Variants in FGA observed in about 807,000 individuals in gnomAD.
The protein encoded by FGA is fibrinogen, A alpha polypeptide.
In FGA, 20 loss-of-function variants were observed where a neutral mutation model predicts 20.3. The ratio of observed to expected loss-of-function variants is 0.99; its 90% confidence interval spans 0.69 to 1.43. FGA has a LOEUF of 1.43. Among genes scored for constraint, FGA ranks in the 40% most tolerant of loss-of-function variants. The pLI, the probability that FGA is intolerant of heterozygous loss-of-function variation, is 0.00. For missense variants in FGA, 777 were observed against 784.7 expected, an observed-to-expected ratio of 0.99 and a Z score of 0.12; for synonymous variants, 306 against 281.6, an observed-to-expected ratio of 1.09 and a Z score of -0.87.
rs1730725874 is a variant in FGA at position 154,586,560 on chromosome 4, C to T, written c.869G>A (p.Ser290Asn). 1.9e-6 allele frequency: 3 copies of T among 1,614,150 alleles called. No individual in the cohort carries two copies. The East Asian group carries it at 6.7e-5, about 36-fold the overall frequency. The change falls in exon 5 of 5, where the codon AGC (serine) becomes AAC (asparagine). Residue 290 changes from serine (S) to asparagine (N), a missense_variant. Physicochemically the swap from Ser to Asn is conservative, Grantham distance 46. Coordinates refer to ENST00000403106, the MANE Select transcript of FGA (RefSeq NM_021871.4). ...CCCAGAGTTCCAGCTTCCAGCACTG[C>T]TAGGGTTCCTGGGGCTTTCCGTCTC... The part of the protein sequence containing the change: ...GSETESPRNP[S>N]SAGSWNSGSS...
Position 154,586,904 on chromosome 4 carries a change from A to G in FGA, c.525T>C (p.Ile175=). The change falls in exon 5 of 5, where the codon ATT becomes ATC. Residue 175 remains isoleucine, a synonymous_variant. Coordinates refer to ENST00000403106, the MANE Select transcript of FGA (RefSeq NM_021871.4). ...ATGACCCTCGACAAGATCGGATCTT[A>G]ATATCAATGTCCACCTAGAGAGAGG... ...DMKRLEVDID[I]KIRSCRGSCS... 1 of 1,613,860 alleles carries G rather than the reference A, an allele frequency of 6.2e-7. No homozygotes were observed. Among genetic ancestry groups the G allele is most frequent in the African/African-American group, 1.3e-5 (1 of 75,038 alleles).
At chr4:154,584,188 A>G (rs1560823225), downstream of FGA, 3 of 1,613,958 alleles carry the variant, frequency 1.9e-6, no homozygotes, top group Middle Eastern at 1.6e-4. Flanking sequence ...TGCCCCTCTA[A>G]AGGAAACCCA....
chr4:154,587,804 A>AAAGAAAGG (rs1553964330), intron 3 of FGA, 147 bp from the exon 4 acceptor site: 6 of 676,100 alleles, frequency 8.9e-6, no homozygotes, highest in Non-Finnish European at 1.2e-5. Flanking sequence ...AGAAAGAAAG[A>AAAGAAAGG]GAAAAAAGAA....
chr4:154,587,509 T>TA lies in FGA; in HGVS notation c.510+2dup, dbSNP rs765031780. ...ACATCTGGGACCACAGCCACATACT[T>TA]ACCTCCAGTCGTTTCATATCAACCA... On this transcript the variant is annotated splice_region_variant and intron_variant, in intron 4 of 4. Coordinates refer to ENST00000403106, the MANE Select transcript of FGA (RefSeq NM_021871.4). The TA allele has an allele frequency of 1.2e-6, 2 of 1,613,818 alleles. No individual in the cohort carries two copies. Among genetic ancestry groups the TA allele is most frequent in the Non-Finnish European group, 1.7e-6 (2 of 1,179,812 alleles).
At chr4:154,589,088 T>C (rs1458798337) in intron 2 of FGA, 112 bp from the exon 3 acceptor site, 3 of 996,186 alleles carry the variant, frequency 3.0e-6, no homozygotes, top group East Asian at 5.1e-5. Flanking sequence ...TCCAGATAAG[T>C]TGGCTTAAAA....
In FGA at chr4:154,586,406, A is replaced by T. The variant is rs1730718781; in HGVS notation, c.1023T>A (p.Thr341=). The T allele has an allele frequency of 6.2e-7, 1 of 1,613,126 alleles. No homozygotes were observed. The highest frequency in any genetic ancestry group is 1.7e-4 in the Middle Eastern group (1 of 6,056). Residue 341 remains threonine, a synonymous_variant, in exon 5 of 5, where the codon ACT becomes ACA. Coordinates refer to ENST00000403106, the MANE Select transcript of FGA (RefSeq NM_021871.4). ...CAGGGTTTTGGTTTCCAGTACTTCCAGTTCCAGAGCTCCCAGAGTTCCAGC... is the reference window on the plus strand; with the variant it reads ...CAGGGTTTTGGTTTCCAGTACTTCCTGTTCCAGAGCTCCCAGAGTTCCAGC... ...TGSWNSGSSG[T]GSTGNQNPGS... is the part of the protein sequence containing the mutation.
At position 154,586,696 on chromosome 4, in the gene FGA, G is replaced by A. The variant is rs1321404600; in HGVS notation, c.733C>T (p.Pro245Ser). Reference protein sequence around the residue: ...GNFKSQLQKVPPEWKALTDMP... With the variant: ...GNFKSQLQKVSPEWKALTDMP... ...TCTGTTAATGCCTTCCACTCTGGGG[G>A]TACCTTCTGAAGCTGGCTCTTAAAA... is the stretch of plus-strand genomic sequence containing the variant. The change falls in exon 5 of 5, where the codon CCC becomes TCC. Residue 245 changes from proline (P) to serine (S), a missense_variant. Physicochemically the swap from Pro to Ser is moderately conservative, Grantham distance 74. Transcript: ENST00000403106. The A allele has an allele frequency of 2.5e-6, 4 of 1,614,086 alleles. No homozygotes were observed. The highest frequency in any genetic ancestry group is 3.4e-6 in the Non-Finnish European group (4 of 1,180,038).
chr4:154,587,775 G>GAAAGAAAGAA (rs1730770457), intron 3 of FGA, 118 bp from the exon 4 acceptor site: 1 of 668,006 alleles, frequency 1.5e-6, no homozygotes, highest in Non-Finnish European at 2.5e-6. Context: ...AAGAAAGAAA[G>GAAAGAAAGAA]AAAGAAAGAA....
chr4:154,584,870 C>T (rs761299857), downstream of FGA: 3 of 1,452,706 alleles, frequency 2.1e-6, no homozygotes, highest in Admixed American at 1.7e-5. Context: ...AGAAGTTATT[C>T]TCATTTAACT....
downstream of FGA, chr4:154,584,046 C>G (rs1381048816): frequency 5.9e-6 from 7 of 1,179,978 alleles, no homozygotes; most frequent in Non-Finnish European, 8.9e-6. Flanking sequence ...TAGAGAATCT[C>G]AACTGCTTTA....
In FGA at chr4:154,586,059, G is replaced by A. The variant is rs781195832; in HGVS notation, c.1370C>T (p.Thr457Met). ...EKVTSGSTTTTRRSCSKTVTK... is the reference protein window; with the variant it reads ...EKVTSGSTTTMRRSCSKTVTK... The stretch of plus-strand genomic sequence containing the variant: ...AACGGTTTTAGAGCATGAACGACGC[G>A]TGGTGGTTGTGCTACCAGAGGTGAC... Residue 457 changes from threonine (T) to methionine (M), a missense_variant, in exon 5 of 5, where the codon ACG becomes ATG. By Grantham distance (81) the Thr-to-Met change is moderately conservative. Transcript: ENST00000403106. The A allele has an allele frequency of 9.9e-6, 16 of 1,614,026 alleles. No individual in the cohort carries two copies. The highest frequency in any genetic ancestry group is 1.6e-4 in the Middle Eastern group (1 of 6,080).
intron 3 of FGA, 152 bp from the exon 4 acceptor site, chr4:154,587,809 AAAG>A (rs1197940833): frequency 2.6e-5 from 18 of 687,084 alleles, no homozygotes; most frequent in Non-Finnish European, 3.8e-5. Flanking sequence ...GAAAGAGAAA[AAAG>A]AAAGAAAGAA....
rs2110809373 is a variant in FGA at position 154,585,899 on chromosome 4, G to T, written c.1530C>A (p.Arg510=). ...LSGIGTLDGF[R]HRHPDEAAFF... ...AGGCAGCTTCATCAGGGTGCCTATGGCGGAACCCATCCAGAGTACCTATGC... is the reference window on the plus strand; with the variant it reads ...AGGCAGCTTCATCAGGGTGCCTATGTCGGAACCCATCCAGAGTACCTATGC... Residue 510 remains arginine, a synonymous_variant, in exon 5 of 5, where the codon CGC becomes CGA. Transcript: ENST00000403106. 6.2e-7 allele frequency: 1 copy of T among 1,614,036 alleles called. No homozygotes were observed. Among genetic ancestry groups the T allele is most frequent in the Non-Finnish European group, 8.5e-7 (1 of 1,179,904 alleles).
At chr4:154,587,483 G>T (rs1365342942) in intron 4 of FGA, 29 bp downstream of exon 4, 1 of 1,609,878 alleles carries the variant, frequency 6.2e-7, no homozygotes, top group African/African-American at 1.3e-5. Context: ...CAGAAACAAG[G>T]ACATCTGGGA....
At chr4:154,590,336 G>A (rs1443846405) in intron 1 of FGA, among the ~76,000 whole-genome samples, 2 of 152,172 alleles carry the variant, frequency 1.3e-5, no homozygotes, top group Non-Finnish European at 2.9e-5. Context: ...TACAAGGATG[G>A]CAAATAATTC....
At chr4:154,583,179 T>C (rs1332037990), downstream of FGA, 1 of 152,150 alleles carries the variant, frequency 6.6e-6, no homozygotes, top group Non-Finnish European at 1.5e-5. Context: ...TATATCTTAA[T>C]AGAAAAGGAT....
At chr4:154,589,053 C>T in intron 2 of FGA, 77 bp from the exon 3 acceptor site, 1 of 1,271,064 alleles carries the variant, frequency 7.9e-7, no homozygotes, top group South Asian at 1.2e-5. Context: ...TCCATGCAGC[C>T]CCCATTTCTT....
rs1306326785 is a variant in FGA at position 154,586,628 on chromosome 4, A to G, written c.801T>C (p.Asn267=). ...MRMELERPGG[N]EITRGGSTSY... ...AGGTGGAGCCTCCTCGAGTAATCTC[A>G]TTTCCACCAGGTCTCTCTAACTCCA... is the stretch of plus-strand genomic sequence containing the variant. Residue 267 remains asparagine, a synonymous_variant, in exon 5 of 5, where the codon AAT becomes AAC. Transcript: ENST00000403106. 1.2e-6 allele frequency: 2 copies of G among 1,613,868 alleles called. No homozygotes were observed. Among genetic ancestry groups the G allele is most frequent in the Admixed American group, 1.7e-5 (1 of 59,956 alleles).
At chr4:154,584,965 C>T, downstream of FGA, 2 of 812,358 alleles carry the variant, frequency 2.5e-6, no homozygotes, top group South Asian at 3.0e-5. Context: ...TCCTTCCCTC[C>T]ATAGGGAAAG....
Sources: allele counts gnomAD v4.1 joint callset (sites outside exome capture counted in the v4.1 genomes callset), GRCh38; gene constraint gnomAD v4.1.1; transcripts MANE v1.5; gene names NCBI Gene and HGNC (gene_info 2026-07-23, HGNC 2026-07-21).